The following EPG5 variants were observed in gnomAD, a reference collection of about 807,000 sequenced individuals.
EPG5 encodes the protein ectopic P granules protein 5 homolog.
Under a neutral mutation model 302.7 loss-of-function variants are expected in EPG5, and 159 were observed. That is an observed-to-expected ratio of 0.53 (90% CI 0.46 to 0.60). The LOEUF (loss-of-function observed/expected upper bound fraction) is 0.60, where lower values mean the gene tolerates loss of function less well. Ranked by LOEUF, EPG5 falls within the 20% of genes least tolerant of loss-of-function variation. The pLI, the probability that EPG5 is intolerant of heterozygous loss-of-function variation, is 0.00. For missense variants in EPG5, 2,896 were observed against 3,092.4 expected (o/e 0.94, Z 1.51); for synonymous variants, 1,158 against 1,136.8 (o/e 1.02, Z -0.37).
the EPG5 span, among the ~76,000 whole-genome samples, chr18:45,831,713 G>A: frequency 7.3e-5 from 11 of 151,598 alleles, no homozygotes; most frequent in South Asian, 2.3e-3. Flanking sequence ...AAATTGAGCT[G>A]CAAATGGTGT....
At position 45,855,619 on chromosome 18, in the gene EPG5, C is replaced by T. The variant is rs979554550; in HGVS notation, c.7511G>A (p.Arg2504His). Reference sequence around the variant, plus strand: ...ATGTAATTCAGAGCCAGGCCTCAAACGGATCTGATCTTCCATAGGAACCTG... The same window carrying T: ...ATGTAATTCAGAGCCAGGCCTCAAATGGATCTGATCTTCCATAGGAACCTG... ...SVQVPMEDQI[R>H]LRPGSELHLT... is the part of the protein sequence containing the mutation. Residue 2504 changes from arginine to histidine, a missense_variant, in exon 43 of 44, where the codon CGT (arginine) becomes CAT (histidine). Arg to His is a conservative substitution (Grantham distance 29). Coordinates refer to ENST00000282041, the MANE Select transcript of EPG5 (RefSeq NM_020964.3). The T allele has an allele frequency of 5.0e-6, 8 of 1,614,044 alleles. No homozygotes were observed. Among genetic ancestry groups the T allele is most frequent in the African/African-American group, 4.0e-5 (3 of 74,920 alleles).
At chr18:45,891,105 T>C (rs942179727) in intron 27 of EPG5, among the ~76,000 whole-genome samples, 3 of 152,218 alleles carry the variant, frequency 2.0e-5, no homozygotes, top group South Asian at 2.1e-4. Context: ...TGATTAAAGA[T>C]ATCCTTTATA....
At chr18:45,907,807 C>T (rs1263949957) in intron 24 of EPG5, 151 bp downstream of exon 24, 5 of 739,888 alleles carry the variant, frequency 6.8e-6, no homozygotes, top group Non-Finnish European at 1.0e-5. Flanking sequence ...CATATAATCA[C>T]TTAGATACTG....
chr18:45,878,783 C>T, intron 33 of EPG5, among the ~76,000 whole-genome samples: 1 of 152,170 alleles, frequency 6.6e-6, no homozygotes, highest in Non-Finnish European at 1.5e-5. Flanking sequence ...CCCCAACCTG[C>T]AAAGGAGGGG....
At chr18:45,893,832 G>A (rs988539841) in intron 27 of EPG5, among the ~76,000 whole-genome samples, 2 of 152,144 alleles carry the variant, frequency 1.3e-5, no homozygotes, top group Admixed American at 1.3e-4. Context: ...GGAATGAACT[G>A]TTAATTTTTA....
the EPG5 span, among the ~76,000 whole-genome samples, chr18:45,806,568 C>T: frequency 2.0e-5 from 3 of 152,036 alleles, no homozygotes; most frequent in Non-Finnish European, 4.4e-5. Flanking sequence ...ACACACCTCC[C>T]CACCCCCACA....
At chr18:45,835,421 C>T in the EPG5 span, among the ~76,000 whole-genome samples, 5 of 152,074 alleles carry the variant, frequency 3.3e-5, no homozygotes, top group Non-Finnish European at 7.4e-5. Context: ...ATGGAGGCAA[C>T]GCACAAGCAC....
Position 45,943,184 on chromosome 18 carries a change from C to G in EPG5, c.1920G>C (p.Val640=). The G allele has an allele frequency of 6.2e-7, 1 of 1,614,130 alleles. No homozygotes were observed. Among genetic ancestry groups the G allele is most frequent in the Non-Finnish European group, 8.5e-7 (1 of 1,180,026 alleles). ...ACCTGATCATATAACCAATTCGCTT[C>G]ACAAACTGCCTATAGCGTGCTCTAT... The part of the protein sequence containing the change: ...TFNRARYRQF[V]KRIGYMIRMT... Residue 640 remains valine (V), a synonymous_variant, in exon 9 of 44, where the codon GTG becomes GTC. Transcript: ENST00000282041.
At chr18:45,897,393 A>G (rs2049502611) in intron 27 of EPG5, among the ~76,000 whole-genome samples, 1 of 152,262 alleles carries the variant, frequency 6.6e-6, no homozygotes, top group Non-Finnish European at 1.5e-5. Context: ...GGAAAAACAC[A>G]AATTGGTGAA....
In EPG5 at chr18:45,954,778, C is replaced by T. The variant is rs538841155; in HGVS notation, c.624G>A (p.Gln208=). 1.3e-5 allele frequency: 21 copies of T among 1,613,872 alleles called. No individual in the cohort carries two copies. The East Asian group carries it at 2.7e-4, about 21-fold the overall frequency. Residue 208 remains glutamine, a synonymous_variant, in exon 2 of 44, where the codon CAG becomes CAA. Transcript: ENST00000282041. ...QSSCPAKHGF[Q]TPRVKKLYPQ... ...GATACAGTTTCTTCACTCTAGGTGT[C>T]TGAAAACCATGTTTGGCTGGGCAAG...
rs1206076654 is a variant in EPG5, at chr18:45,880,101, A to G, written c.5641T>C (p.Ser1881Pro). Reference sequence around the variant, plus strand: ...TGCTTGTCTGACAAGAGAGCATCAGAAGAGCTGGGAAGCACGGCGCCCTCG... The same window carrying G: ...TGCTTGTCTGACAAGAGAGCATCAGGAGAGCTGGGAAGCACGGCGCCCTCG... ...STEGAVLPSS[S>P]DALLSDKQVM... The change falls in exon 32 of 44, where the codon TCT becomes CCT. Residue 1881 changes from serine to proline, a missense_variant. Physicochemically the swap from Ser to Pro is moderately conservative, Grantham distance 74. Coordinates refer to ENST00000282041, the MANE Select transcript of EPG5 (RefSeq NM_020964.3). The G allele has an allele frequency of 1.9e-6, 3 of 1,606,304 alleles. No homozygotes were observed. Among genetic ancestry groups the G allele is most frequent in the African/African-American group, 2.7e-5 (2 of 74,668 alleles).
chr18:45,937,564 GC>G, intron 10 of EPG5, among the ~76,000 whole-genome samples: 1 of 151,948 alleles, frequency 6.6e-6, no homozygotes, highest in African/African-American at 2.4e-5. Context: ...CTGCCACCAC[GC>G]CCAGCTAATT....
chr18:45,855,889 G>A (rs1321401355), intron 42 of EPG5, among the ~76,000 whole-genome samples: 1 of 152,156 alleles, frequency 6.6e-6, no homozygotes, highest in East Asian at 1.9e-4. Context: ...GTATAATTCA[G>A]ATTCAAGAAT....
In EPG5 at chr18:45,868,048, G is replaced by C. The variant is rs185761202; in HGVS notation, c.6226-300C>G. On this transcript the variant is annotated intron_variant, in intron 36 of 43. Coordinates refer to ENST00000282041, the MANE Select transcript of EPG5 (RefSeq NM_020964.3). ...GGGTGGAGAATCGCTGCCACAGTAA[G>C]TCACTGGAGCTGCAGGGAGTGTATC... 4.4e-4 allele frequency: 215 copies of C among 489,478 alleles called. 1 individual carries two copies. Among genetic ancestry groups the C allele is most frequent in the African/African-American group, 3.8e-3 (199 of 51,690 alleles). The allele number at this position is 489,478 out of a possible 1,614,324, so 30.3% of individuals were successfully genotyped here. A position where few individuals can be genotyped will look rare whatever the true frequency, so the allele number is the denominator to read the frequency against.
intron 43 of EPG5, among the ~76,000 whole-genome samples, chr18:45,854,126 C>T (rs1309416449): frequency 6.6e-6 from 1 of 152,154 alleles, no homozygotes; most frequent in Admixed American, 6.5e-5. Context: ...CTCAAATACA[C>T]CCTGCATCTC....
the EPG5 span, chr18:45,837,633 C>T: frequency 7.3e-6 from 11 of 1,507,656 alleles, no homozygotes; most frequent in Admixed American, 6.2e-5. Context: ...GGGCCGCTGA[C>T]GGCCATCTGG....
At chr18:45,842,086 C>G in the EPG5 span, 8 of 1,613,028 alleles carry the variant, frequency 5.0e-6, no homozygotes, top group Admixed American at 1.3e-4. Flanking sequence ...GATGATCATT[C>G]AACTTTCTCC....
chr18:45,910,385 A>T, intron 23 of EPG5, 136 bp downstream of exon 23: 1 of 629,952 alleles, frequency 1.6e-6, no homozygotes, highest in Non-Finnish European at 2.7e-6. Context: ...ATGCAAATCT[A>T]TATCAAAGCC....
intron 9 of EPG5, among the ~76,000 whole-genome samples, chr18:45,942,369 G>A (rs1223768904): frequency 6.6e-6 from 1 of 152,160 alleles, no homozygotes; most frequent in Admixed American, 6.5e-5. Context: ...TTGGGAAGCC[G>A]AGGCAGATGG....
Sources: gnomAD v4.1 joint callset for allele counts (sites outside exome capture counted in the v4.1 genomes callset) on GRCh38, gnomAD v4.1.1 for gene constraint, MANE v1.5 for transcripts, NCBI Gene and HGNC (gene_info 2026-07-23, HGNC 2026-07-21) for gene names.